JAK3: variants seen among roughly 807,000 people sequenced by gnomAD.
JAK3 encodes Janus kinase 3.
A neutral mutation model predicts 120.8 loss-of-function variants in JAK3; 88 were observed. The ratio of observed to expected loss-of-function variants is 0.73; its 90% CI spans 0.61 to 0.87. The LOEUF is 0.87. Among genes scored for constraint, JAK3 ranks in the 40% least tolerant of loss-of-function variants. The probability of loss-of-function intolerance (pLI) is 0.00; values close to 1 mark genes in which losing one functional copy is unlikely to be tolerated. For missense variants in JAK3, 1,254 were observed against 1,501.4 expected (o/e 0.84, Z 2.72); for synonymous variants, 592 against 628.6 (o/e 0.94, Z 0.87).
intron 1 of JAK3, among the ~76,000 whole-genome samples, chr19:17,847,583 G>A (rs2094254936): frequency 6.6e-6 from 1 of 152,050 alleles, no homozygotes; most frequent in South Asian, 2.1e-4. Context: ...TGGTATGGTC[G>A]GGTACCCTGT....
Position 17,842,348 on chromosome 19 carries a change from C to T in JAK3, c.829G>A (p.Gly277Ser), listed in dbSNP as rs1263464270. The change falls in exon 6 of 24, where the codon GGC becomes AGC. Residue 277 changes from glycine to serine, a missense_variant. This residue lies in a region of JAK3 where 486 missense variants were observed against 503.0 expected (regional missense o/e 0.97). Coordinates refer to ENST00000458235, the MANE Select transcript of JAK3 (RefSeq NM_000215.4). The surrounding 1 kb of genome is among the most constrained non-coding windows in gnomAD (Gnocchi z 6.4). ...TCTCCCTGGGTCCAGGCGATGCCGC[C>T]GTCACCAGCCACGCGGAGCAGCCCC... ...GLGLLRVAGD[G>S]GIAWTQGEQE... 4 of 1,589,916 alleles carry T rather than the reference C, an allele frequency of 2.5e-6. No individual in the cohort carries two copies. Among genetic ancestry groups the T allele is most frequent in the East Asian group, 2.3e-5 (1 of 44,030 alleles).
In JAK3 at chr19:17,832,886, A is replaced by C; in HGVS notation, c.2394T>G (p.Pro798=). 1.9e-6 allele frequency: 3 copies of C among 1,614,176 alleles called. No homozygotes were observed. Among genetic ancestry groups the C allele is most frequent in the Non-Finnish European group, 2.5e-6 (3 of 1,180,024 alleles). ...GGGCACCATTCCACAGCCCATCACG[A>C]GGTGCCAGGGCACCAGGTGTGGGGT... ...LSDPTPGALA[P]RDGLWNGAQL... Residue 798 remains proline, a synonymous_variant, in exon 18 of 24, where the codon CCT becomes CCG. Coordinates refer to ENST00000458235, the MANE Select transcript of JAK3 (RefSeq NM_000215.4). This position sits in a 1 kb window ranked among gnomAD's most constrained non-coding sequence, Gnocchi z 4.7.
At chr19:17,847,571 C>T (rs371066354) in intron 1 of JAK3, among the ~76,000 whole-genome samples, 1 of 152,176 alleles carries the variant, frequency 6.6e-6, no homozygotes. Flanking sequence ...CGTTCTGCAT[C>T]CTGGTATGGT....
In JAK3 at chr19:17,842,637, G is replaced by A; in HGVS notation, c.567-27C>T. 3 of 1,531,176 alleles carry A rather than the reference G, an allele frequency of 2.0e-6. No homozygotes were observed. The South Asian group carries it at 3.7e-5, about 19-fold the overall frequency. The allele number at this position is 1,531,176 out of a possible 1,614,324, so 94.8% of individuals were successfully genotyped here. ...TGCAGGGGTTGGAGGGGAGGGAGCC[G>A]GCCCTCAGCGTCGGGAGGGGTCCCC... On this transcript the variant is annotated intron_variant, in intron 5 of 23. Coordinates refer to ENST00000458235, the MANE Select transcript of JAK3 (RefSeq NM_000215.4). The surrounding 1 kb of genome is among the most constrained non-coding windows in gnomAD (Gnocchi z 6.4).
At chr19:17,846,362 T>C (rs555498464) in intron 1 of JAK3, among the ~76,000 whole-genome samples, 1 of 152,084 alleles carries the variant, frequency 6.6e-6, no homozygotes, top group Admixed American at 6.6e-5. Context: ...GTGGTTACTG[T>C]GGGAAGGGAA....
rs2147697438 is a variant in JAK3 at position 17,842,436 on chromosome 19, T to C, written c.741A>G (p.Pro247=). ...CGTGGAAGGTCTCGGCGGCCCCGGC[T>C]GGATCCAGCCGCTCCAGGTCCATGA... ...KYIMDLERLD[P]AGAAETFHVG... is the part of the protein sequence containing the mutation. The change falls in exon 6 of 24, where the codon CCA becomes CCG. Residue 247 remains proline (P), a synonymous_variant. Transcript: ENST00000458235. The surrounding 1 kb of genome is among the most constrained non-coding windows in gnomAD (Gnocchi z 6.4). The C allele has an allele frequency of 6.3e-7, 1 of 1,575,014 alleles. No homozygotes were observed.
rs2147699080 is a variant in JAK3 at position 17,843,178 on chromosome 19, G to A, written c.421-6C>T. ...CTCACCAGGTCACTGCGGTGCTGGG[G>A]GGCCGCCACAGGGAGCATCAGCTGA... On this transcript the variant is annotated splice_region_variant and splice_polypyrimidine_tract_variant and intron_variant, in intron 4 of 23. Transcript: ENST00000458235. The surrounding 1 kb of genome is among the most constrained non-coding windows in gnomAD (Gnocchi z 5.4). The A allele has an allele frequency of 6.2e-7, 1 of 1,602,104 alleles. No individual in the cohort carries two copies. Among genetic ancestry groups the A allele is most frequent in the South Asian group, 1.1e-5 (1 of 90,244 alleles).
chr19:17,840,816 ATTGTTTGT>A (rs368885044), intron 8 of JAK3, among the ~76,000 whole-genome samples: 5 of 150,564 alleles, frequency 3.3e-5, no homozygotes, highest in South Asian at 4.2e-4. Context: ...CTTCTGGGAG[ATTGTTTGT>A]TTGTTTGTTT....
At chr19:17,833,006 C>A in intron 17 of JAK3, 77 bp from the exon 18 acceptor site, 1 of 1,552,584 alleles carries the variant, frequency 6.4e-7, no homozygotes, top group Non-Finnish European at 8.7e-7. Context: ...TGCTGTGCAA[C>A]CTCCATCTGC....
chr19:17,831,894 T>A lies in JAK3; in HGVS notation c.2681-96A>T. On this transcript the variant is annotated intron_variant, in intron 19 of 23. Coordinates refer to ENST00000458235, the MANE Select transcript of JAK3 (RefSeq NM_000215.4). This position sits in a 1 kb window ranked among gnomAD's most constrained non-coding sequence, Gnocchi z 5.1. ...GTGGGACCTTGTGTCCCTCTCGACC[T>A]CAGTTTTGCTGACTGTAATATGGGA... 6.6e-7 allele frequency: 1 copy of A among 1,517,024 alleles called. No homozygotes were observed. Among genetic ancestry groups the A allele is most frequent in the Non-Finnish European group, 9.1e-7 (1 of 1,102,934 alleles). 94.0% of individuals were successfully genotyped at this position (1,517,024 alleles called of 1,614,324 possible). A position where few individuals can be genotyped will look rare whatever the true frequency, so the allele number is the denominator to read the frequency against.
At position 17,832,835 on chromosome 19, in the gene JAK3, C is replaced by G; in HGVS notation, c.2445G>C (p.Thr815=). Residue 815 remains threonine (T), a synonymous_variant, in exon 18 of 24, where the codon ACG becomes ACC. Coordinates refer to ENST00000458235, the MANE Select transcript of JAK3 (RefSeq NM_000215.4). This position sits in a 1 kb window ranked among gnomAD's most constrained non-coding sequence, Gnocchi z 4.7. ...ACTTGAGGTGTCTCTCCTCGAAGAT[C>G]GTGGGGTCTTGGCAGGCATAGAGCT... ...GAQLYACQDP[T]IFEERHLKYI... 1 of 1,614,240 alleles carries G rather than the reference C, an allele frequency of 6.2e-7. No homozygotes were observed. Among genetic ancestry groups the G allele is most frequent in the Non-Finnish European group, 8.5e-7 (1 of 1,180,042 alleles).
Position 17,838,249 on chromosome 19 carries a change from CCAG to C in JAK3, c.1569+11_1569+13del, listed in dbSNP as rs777393161. ...CCAGACTGAGGTATCGCCTCATTTC[CCAG>C]GGCCTCTTACCCACTCCAGGCTGTC... On this transcript the variant is annotated intron_variant, in intron 11 of 23. Transcript: ENST00000458235. The C allele has an allele frequency of 3.1e-6, 5 of 1,613,974 alleles. No individual in the cohort carries two copies. Among genetic ancestry groups the C allele is most frequent in the Non-Finnish European group, 4.2e-6 (5 of 1,180,014 alleles).
At position 17,842,436 on chromosome 19, in the gene JAK3, T is replaced by A; in HGVS notation, c.741A>T (p.Pro247=). ...CGTGGAAGGTCTCGGCGGCCCCGGC[T>A]GGATCCAGCCGCTCCAGGTCCATGA... ...KYIMDLERLD[P]AGAAETFHVG... Residue 247 remains proline (P), a synonymous_variant, in exon 6 of 24, where the codon CCA becomes CCT. Transcript: ENST00000458235. The surrounding 1 kb of genome is among the most constrained non-coding windows in gnomAD (Gnocchi z 6.4). 3 of 1,575,014 alleles carry A rather than the reference T, an allele frequency of 1.9e-6. No individual in the cohort carries two copies. Among genetic ancestry groups the A allele is most frequent in the Non-Finnish European group, 2.6e-6 (3 of 1,161,860 alleles).
rs587778419 is a variant in JAK3, at chr19:17,842,334, C to G, written c.843G>C (p.Trp281Cys). 3 of 1,584,176 alleles carry G rather than the reference C, an allele frequency of 1.9e-6. No homozygotes were observed. The highest frequency in any genetic ancestry group is 1.7e-5 in the Admixed American group (1 of 58,782). ...LRVAGDGGIAWTQGEQEVLQP... is the reference protein window; with the variant it reads ...LRVAGDGGIACTQGEQEVLQP... ...CCCTCACCTCCTGTTCTCCCTGGGT[C>G]CAGGCGATGCCGCCGTCACCAGCCA... Residue 281 changes from tryptophan (W) to cysteine (C), a missense_variant, in exon 6 of 24, where the codon TGG becomes TGC. This residue lies in a region of JAK3 where 486 missense variants were observed against 503.0 expected (regional missense o/e 0.97). Coordinates refer to ENST00000458235, the MANE Select transcript of JAK3 (RefSeq NM_000215.4). This position sits in a 1 kb window ranked among gnomAD's most constrained non-coding sequence, Gnocchi z 6.4.
intron 23 of JAK3, 64 bp downstream of exon 23, chr19:17,830,044 G>T: frequency 8.3e-7 from 1 of 1,211,044 alleles, no homozygotes; most frequent in Non-Finnish European, 1.2e-6. Context: ...GCGCCAGCTG[G>T]CTTGCCCGAG....
Position 17,831,181 on chromosome 19 carries a change from C to G in JAK3, c.2978+47G>C. ...GGCGGGGGCATGGCTGGGGGCGGAGCCAGAGCCGTGGGGAATAGGGGCGGA... is the reference window on the plus strand; with the variant it reads ...GGCGGGGGCATGGCTGGGGGCGGAGGCAGAGCCGTGGGGAATAGGGGCGGA... On this transcript the variant is annotated intron_variant, in intron 21 of 23. Transcript: ENST00000458235. This position sits in a 1 kb window ranked among gnomAD's most constrained non-coding sequence, Gnocchi z 5.1. 1 of 1,589,530 alleles carries G rather than the reference C, an allele frequency of 6.3e-7. No homozygotes were observed. The highest frequency in any genetic ancestry group is 8.6e-7 in the Non-Finnish European group (1 of 1,167,516).
At chr19:17,837,695 G>A (rs887853413) in intron 12 of JAK3, among the ~76,000 whole-genome samples, 8 of 151,744 alleles carry the variant, frequency 5.3e-5, no homozygotes, top group African/African-American at 1.2e-4. Context: ...GATTACAGGC[G>A]TGAGCCACCG....
In JAK3 at chr19:17,843,446, G is replaced by T; in HGVS notation, c.354C>A (p.Phe118Leu). Residue 118 changes from phenylalanine to leucine, a missense_variant, in exon 4 of 24, where the codon TTC becomes TTA. By Grantham distance (22) the Phe-to-Leu change is conservative. This residue lies in a region of JAK3 where 138 missense variants were observed against 178.7 expected (regional missense o/e 0.77). Coordinates refer to ENST00000458235, the MANE Select transcript of JAK3 (RefSeq NM_000215.4). The surrounding 1 kb of genome is among the most constrained non-coding windows in gnomAD (Gnocchi z 5.4). ...NWFGLEKCHR[F>L]GLRKDLASAI... ...CACTGGCCAAATCCTTGCGTAGCCC[G>T]AAGCGGTGGCACTTCTCCAGCCCAA... 1 of 1,600,132 alleles carries T rather than the reference G, an allele frequency of 6.2e-7. No homozygotes were observed.
rs749169776 is a variant in JAK3 at position 17,830,507 on chromosome 19, G to A, written c.3092C>T (p.Ser1031Leu). ...FTYCDKSCSP[S>L]AEFLRMMGCE... ...GGCTCTGGGAAGCCGACTCACGGCC[G>A]AGGGGCTGCAGCTTTTGTCGCAGTA... is the stretch of plus-strand genomic sequence containing the variant. Residue 1031 changes from serine (S) to leucine (L), a missense_variant, in exon 22 of 24, where the codon TCG (serine) becomes TTG (leucine). By Grantham distance (145) the Ser-to-Leu change is moderately radical. Transcript: ENST00000458235. 10 of 1,612,856 alleles carry A rather than the reference G, an allele frequency of 6.2e-6. No homozygotes were observed. The South Asian group carries it at 8.8e-5, about 14-fold the overall frequency.
Sources: gnomAD v4.1 joint callset for allele counts (sites outside exome capture counted in the v4.1 genomes callset) on GRCh38, gnomAD v4.1.1 for gene constraint, gnomAD v4.1.1 regional missense constraint, Gnocchi (gnomAD v3.1) non-coding constraint, MANE v1.5 for transcripts, NCBI Gene and HGNC (gene_info 2026-07-23, HGNC 2026-07-21) for gene names.